Variants in WDR12 observed in about 807,000 individuals in gnomAD.
WDR12 encodes the protein WD repeat domain 12.
WDR12 carries 42 observed loss-of-function variants against 64.3 expected under a neutral mutation model. The ratio of observed to expected loss-of-function variants is 0.65; its 90% confidence interval spans 0.51 to 0.84. The LOEUF (loss-of-function observed/expected upper bound fraction) is 0.84, where lower values mean the gene tolerates loss of function less well. Among genes scored for constraint, WDR12 ranks in the 40% least tolerant of loss-of-function variants. The probability of loss-of-function intolerance (pLI) is 0.00; values close to 1 mark genes in which losing one functional copy is unlikely to be tolerated. For missense variants in WDR12, 469 were observed against 494.6 expected, an observed-to-expected ratio of 0.95 and a Z score of 0.49; for synonymous variants, 158 against 173.3, an observed-to-expected ratio of 0.91 and a Z score of 0.70.
rs1333340958 is a variant in WDR12 at position 202,878,231 on chromosome 2, TTCTTTA to T, written c.*2623_*2628del. 6.6e-6 allele frequency: 1 copy of T among 152,202 alleles called. No individual in the cohort carries two copies. Among genetic ancestry groups the T allele is most frequent in the African/African-American group, 2.4e-5 (1 of 41,452 alleles). 9.4% of individuals were successfully genotyped at this position (152,202 alleles called of 1,614,324 possible). On this transcript the variant is annotated 3_prime_UTR_variant, in exon 13 of 13. Transcript: ENST00000261015. ...TTGTCTATGCATCTGATATATAGGC[TTCTTTA>T]TCTTTAACCATCTAGTTTATACAGA...
At position 202,906,152 on chromosome 2, in the gene WDR12, G is replaced by A. The variant is rs149866562; in HGVS notation, c.136+1713C>T. On this transcript the variant is annotated intron_variant, in intron 2 of 12. Coordinates refer to ENST00000261015, the MANE Select transcript of WDR12 (RefSeq NM_018256.4). Reference sequence around the variant, plus strand: ...TGTACCCCATAGATACACCTACCACGTACCTACAAAAATTAAAAAGAATAT... The same window carrying A: ...TGTACCCCATAGATACACCTACCACATACCTACAAAAATTAAAAAGAATAT... Among the ~76,000 whole-genome samples the A allele has an allele frequency of 5.2e-4, 79 of 152,138 alleles. No homozygotes were observed. The East Asian group carries it at 0.013, about 25-fold the overall frequency.
At chr2:202,909,391 A>G (rs1385123447) in intron 1 of WDR12, among the ~76,000 whole-genome samples, 2 of 152,234 alleles carry the variant, frequency 1.3e-5, no homozygotes. Context: ...GATATAATGA[A>G]ACCATTTTTT....
chr2:202,882,422 T>C (rs1019503216), intron 12 of WDR12, among the ~76,000 whole-genome samples: 8 of 152,008 alleles, frequency 5.3e-5, no homozygotes, highest in Non-Finnish European at 7.4e-5. Flanking sequence ...TCCGCCTCCT[T>C]GGATCACGCC....
chr2:202,909,704 G>A (rs1181753200), intron 1 of WDR12, among the ~76,000 whole-genome samples: 2 of 152,080 alleles, frequency 1.3e-5, no homozygotes, highest in African/African-American at 2.4e-5. Context: ...TCTTGTGTGT[G>A]TGTGTGACAA....
intron 3 of WDR12, among the ~76,000 whole-genome samples, chr2:202,900,330 G>GAA (rs756739706): frequency 7.5e-5 from 5 of 66,880 alleles, no homozygotes; most frequent in African/African-American, 1.1e-4. Flanking sequence ...CTCTGTCTCA[G>GAA]AAAAAAAAAA....
Position 202,911,594 on chromosome 2 carries a change from C to G in WDR12, c.-118G>C. ...CTCAAAATTAGACTGCACAGGTAAG[C>G]GAGGAACTGCAGTCTAAGCCTGGAC... On this transcript the variant is annotated 5_prime_UTR_variant, in exon 1 of 13. Transcript: ENST00000261015. 1.1e-6 allele frequency: 1 copy of G among 911,446 alleles called. No individual in the cohort carries two copies. The highest frequency in any genetic ancestry group is 1.4e-5 in the South Asian group (1 of 73,804). The allele number at this position is 911,446 out of a possible 1,614,324, so 56.5% of individuals were successfully genotyped here.
intron 12 of WDR12, among the ~76,000 whole-genome samples, chr2:202,881,203 C>T (rs1687943076): frequency 2.0e-5 from 3 of 152,008 alleles, no homozygotes; most frequent in Non-Finnish European, 2.9e-5. Flanking sequence ...TGCCAAGATA[C>T]ATAAGTTTGA....
In WDR12 at chr2:202,882,801, T is replaced by C. The variant is rs1317205645; in HGVS notation, c.1122-18A>G. ...CCTTACAACTAAAAGATGAAAATATTAACATATTATATGCATTCACAGTGT... is the reference window on the plus strand; with the variant it reads ...CCTTACAACTAAAAGATGAAAATATCAACATATTATATGCATTCACAGTGT... On this transcript the variant is annotated intron_variant, in intron 11 of 12. Transcript: ENST00000261015. 2.5e-6 allele frequency: 4 copies of C among 1,606,706 alleles called. No individual in the cohort carries two copies. Among genetic ancestry groups the C allele is most frequent in the Non-Finnish European group, 3.4e-6 (4 of 1,173,388 alleles).
intron 6 of WDR12, among the ~76,000 whole-genome samples, chr2:202,895,797 T>A (rs1320979670): frequency 1.3e-5 from 2 of 151,764 alleles, no homozygotes; most frequent in African/African-American, 4.8e-5. Context: ...CCCAAAGTGC[T>A]GGGATTACAG....
chr2:202,894,791 G>C (rs1032564290), intron 6 of WDR12, 165 bp from the exon 7 acceptor site: 1 of 507,406 alleles, frequency 2.0e-6, no homozygotes, highest in East Asian at 3.6e-5. Flanking sequence ...CATAAAATCT[G>C]GGAAATCTTG....
chr2:202,911,549 T>C lies in WDR12; in HGVS notation c.-73A>G. 7.0e-7 allele frequency: 1 copy of C among 1,424,642 alleles called. No individual in the cohort carries two copies. The highest frequency in any genetic ancestry group is 9.9e-7 in the Non-Finnish European group (1 of 1,007,848). 88.3% of individuals were successfully genotyped at this position (1,424,642 alleles called of 1,614,324 possible). A position where few individuals can be genotyped will look rare whatever the true frequency, so the allele number is the denominator to read the frequency against. On this transcript the variant is annotated 5_prime_UTR_variant, in exon 1 of 13. Coordinates refer to ENST00000261015, the MANE Select transcript of WDR12 (RefSeq NM_018256.4). ...ACCCACAACACGAAGCTCCTGCCTT[T>C]TAAGACTACAAAGAGGCAGCTCAAA... is the stretch of plus-strand genomic sequence containing the variant.
Position 202,884,427 on chromosome 2 carries a change from C to T in WDR12, c.850G>A (p.Asp284Asn). 6.2e-7 allele frequency: 1 copy of T among 1,614,182 alleles called. No homozygotes were observed. The highest frequency in any genetic ancestry group is 2.2e-5 in the East Asian group (1 of 44,890). The stretch of plus-strand genomic sequence containing the variant: ...GACTTAAGACTGCCAGACTCAACAT[C>T]CCACACTCTAATTGTATGGTCCCAA... Reference protein sequence around the residue: ...ASWDHTIRVWDVESGSLKSTL... With the variant: ...ASWDHTIRVWNVESGSLKSTL... The change falls in exon 9 of 13, where the codon GAT becomes AAT. Residue 284 changes from aspartate (D) to asparagine (N), a missense_variant. Transcript: ENST00000261015.
intron 8 of WDR12, among the ~76,000 whole-genome samples, chr2:202,887,596 A>G (rs765053170): frequency 7.9e-5 from 12 of 152,174 alleles, no homozygotes; most frequent in Non-Finnish European, 1.5e-4. Context: ...AGAATAGAAA[A>G]TGACATGGTA....
At chr2:202,905,434 C>T (rs999857513) in intron 2 of WDR12, among the ~76,000 whole-genome samples, 1 of 152,212 alleles carries the variant, frequency 6.6e-6, no homozygotes, top group South Asian at 2.1e-4. Flanking sequence ...TGGGCCACCA[C>T]GCCAGGCCAA....
At chr2:202,903,710 T>C (rs544574298) in intron 2 of WDR12, among the ~76,000 whole-genome samples, 11 of 152,328 alleles carry the variant, frequency 7.2e-5, no homozygotes, top group South Asian at 2.1e-4. Flanking sequence ...AGCATTTCTA[T>C]ATGCTAACAG....
At chr2:202,896,428 G>A (rs1228316662) in intron 5 of WDR12, among the ~76,000 whole-genome samples, 4 of 150,494 alleles carry the variant, frequency 2.7e-5, no homozygotes, top group Non-Finnish European at 4.5e-5. Context: ...GGTGGCTCAC[G>A]CCTGTAAATA....
At chr2:202,887,152 T>G (rs1367142376) in intron 8 of WDR12, among the ~76,000 whole-genome samples, 1 of 152,076 alleles carries the variant, frequency 6.6e-6, no homozygotes, top group African/African-American at 2.4e-5. Context: ...GCCTCCCAAG[T>G]AGCTGGGATT....
Position 202,896,076 on chromosome 2 carries a change from A to G in WDR12, c.598T>C (p.Ser200Pro). The G allele has an allele frequency of 6.2e-7, 1 of 1,611,330 alleles. No individual in the cohort carries two copies. The highest frequency in any genetic ancestry group is 8.5e-7 in the Non-Finnish European group (1 of 1,179,338). Reference sequence around the variant, plus strand: ...TTCTAGCTACTTACTTTAGTTCCTGAGCCATCAACAGCTATAGAATCTACA... The same window carrying G: ...TTCTAGCTACTTACTTTAGTTCCTGGGCCATCAACAGCTATAGAATCTACA... ...GSVDSIAVDG[S>P]GTKFCSGSWD... Residue 200 changes from serine (S) to proline (P), a missense_variant, in exon 6 of 13, where the codon TCA (serine) becomes CCA (proline). Coordinates refer to ENST00000261015, the MANE Select transcript of WDR12 (RefSeq NM_018256.4).
chr2:202,883,356 G>C, intron 11 of WDR12: 1 of 367,106 alleles, frequency 2.7e-6, no homozygotes, highest in Admixed American at 3.9e-5. Flanking sequence ...GGATGGTCCT[G>C]AACACCCAGC....
Sources: gnomAD v4.1 joint callset for allele counts (sites outside exome capture counted in the v4.1 genomes callset) on GRCh38, gnomAD v4.1.1 for gene constraint, MANE v1.5 for transcripts, NCBI Gene and HGNC (gene_info 2026-07-23, HGNC 2026-07-21) for gene names.